The following NRG1 variants were observed in gnomAD, a reference collection of about 807,000 sequenced individuals.
The protein encoded by NRG1 is neuregulin 1, also known as pro-neuregulin-1, membrane-bound isoform.
In NRG1, 18 loss-of-function variants were observed where a neutral mutation model predicts 63.8. The ratio of observed to expected loss-of-function variants is 0.28; its 90% CI spans 0.19 to 0.42. The LOEUF (loss-of-function observed/expected upper bound fraction) is 0.42, where lower values mean the gene tolerates loss of function less well. NRG1 is among the 10% of genes least tolerant of loss of function. The pLI, the probability that NRG1 is intolerant of heterozygous loss-of-function variation, is 1.00. For missense variants in NRG1, 762 were observed against 814.7 expected, an observed-to-expected ratio of 0.94 and a Z score of 0.79; for synonymous variants, 302 against 301.3, an observed-to-expected ratio of 1.00 and a Z score of -0.02.
chr8:32,141,528 G>A (rs1472603985), intron 1 of NRG1, among the ~76,000 whole-genome samples: 2 of 146,218 alleles, frequency 1.4e-5, no homozygotes, highest in African/African-American at 2.5e-5. Flanking sequence ...TTAAGTGTGT[G>A]TGTGTGTGTG....
At chr8:32,436,197 C>A (rs1228590360) in intron 1 of NRG1, among the ~76,000 whole-genome samples, 1 of 152,184 alleles carries the variant, frequency 6.6e-6, no homozygotes, top group East Asian at 1.9e-4. Flanking sequence ...GAGAGCAAAG[C>A]AAAAGGGAAA....
chr8:31,655,478 T>C (rs1483012746), intron 1 of NRG1, among the ~76,000 whole-genome samples: 1 of 152,074 alleles, frequency 6.6e-6, no homozygotes, highest in Non-Finnish European at 1.5e-5. Flanking sequence ...AAGATTTGCA[T>C]TTCCAACCTT....
chr8:32,291,417 GT>G lies in NRG1; in HGVS notation c.38-304408del, dbSNP rs199627321. Among the ~76,000 whole-genome samples the G allele has an allele frequency of 5.3e-3, 797 of 151,502 alleles. 9 individuals carry two copies. The highest frequency in any genetic ancestry group is 0.018 in the African/African-American group (761 of 41,296). On this transcript the variant is annotated intron_variant, in intron 1 of 10. Coordinates refer to the NRG1 transcript ENST00000519301. ...TAGATAAGTCTTTCTAATCTTGAGT[GT>G]TTGTAAAGCAGTTGGATATAAATTT...
At chr8:32,349,295 T>C (rs1805294678) in intron 1 of NRG1, among the ~76,000 whole-genome samples, 1 of 152,218 alleles carries the variant, frequency 6.6e-6, no homozygotes, top group Non-Finnish European at 1.5e-5. Flanking sequence ...TATGAAAATT[T>C]CAAATCTTCC....
intron 1 of NRG1, among the ~76,000 whole-genome samples, chr8:32,118,487 T>C (rs1833031082): frequency 6.6e-6 from 1 of 152,032 alleles, no homozygotes; most frequent in African/African-American, 2.4e-5. Context: ...TCTTACACAT[T>C]GTGTAGAACC....
chr8:32,248,471 A>G (rs530446681), intron 1 of NRG1, among the ~76,000 whole-genome samples: 4 of 152,204 alleles, frequency 2.6e-5, no homozygotes, highest in Non-Finnish European at 5.9e-5. Flanking sequence ...AAAAGGCAAA[A>G]AAGTATATAA....
At chr8:31,713,267 C>T (rs146917607) in intron 1 of NRG1, among the ~76,000 whole-genome samples, 2 of 151,994 alleles carry the variant, frequency 1.3e-5, no homozygotes, top group East Asian at 1.9e-4. Context: ...CAGGCGCCCA[C>T]CACCAAGCCC....
intron 5 of NRG1, among the ~76,000 whole-genome samples, chr8:32,714,609 C>T (rs1818696632): frequency 6.6e-6 from 1 of 152,202 alleles, no homozygotes; most frequent in African/African-American, 2.4e-5. Context: ...TATAATTAAG[C>T]ACAAAGTAAC....
At chr8:32,068,424 A>C (rs1825225602) in intron 1 of NRG1, among the ~76,000 whole-genome samples, 1 of 152,226 alleles carries the variant, frequency 6.6e-6, no homozygotes, top group South Asian at 2.1e-4. Context: ...ACTTTAGCAC[A>C]GGATGAGATG....
intron 1 of NRG1, among the ~76,000 whole-genome samples, chr8:31,862,310 C>G (rs1189619479): frequency 6.6e-6 from 1 of 151,922 alleles, no homozygotes; most frequent in Non-Finnish European, 1.5e-5. Context: ...CTTAAATCTC[C>G]CATGATTTAT....
At chr8:32,276,304 T>C (rs1852090157) in intron 1 of NRG1, among the ~76,000 whole-genome samples, 1 of 152,200 alleles carries the variant, frequency 6.6e-6, no homozygotes, top group Non-Finnish European at 1.5e-5. Context: ...GTATTTGTCT[T>C]TCTCTGGCTG....
Position 31,662,938 on chromosome 8 carries a change from C to A in NRG1, c.37+23507C>A, listed in dbSNP as rs577577598. On this transcript the variant is annotated intron_variant, in intron 1 of 10. Coordinates refer to the NRG1 transcript ENST00000519301. Reference sequence around the variant, plus strand: ...TAGTCCTATGATTGACCCAGACTGTCATTTTTTGGGGCCCTTCTCTCCATG... The same window carrying A: ...TAGTCCTATGATTGACCCAGACTGTAATTTTTTGGGGCCCTTCTCTCCATG... Among the ~76,000 whole-genome samples, 4 of 152,332 alleles carry A rather than the reference C, an allele frequency of 2.6e-5. No individual in the cohort carries two copies. The South Asian group carries it at 8.3e-4, about 32-fold the overall frequency.
At chr8:31,720,884 G>T (rs1383180873) in intron 1 of NRG1, among the ~76,000 whole-genome samples, 1 of 152,146 alleles carries the variant, frequency 6.6e-6, no homozygotes, top group Non-Finnish European at 1.5e-5. Flanking sequence ...AGGAGTAAAG[G>T]AATGCTTCAT....
chr8:32,404,143 T>C (rs1813614960), intron 1 of NRG1, among the ~76,000 whole-genome samples: 2 of 152,172 alleles, frequency 1.3e-5, no homozygotes, highest in African/African-American at 4.8e-5. Flanking sequence ...GAGAAGACCC[T>C]GGAGAAATGT....
chr8:32,674,500 G>A (rs1806538045), intron 5 of NRG1, among the ~76,000 whole-genome samples: 1 of 151,992 alleles, frequency 6.6e-6, no homozygotes, highest in Admixed American at 6.6e-5. Flanking sequence ...CACTAAATTC[G>A]TATATGACAA....
At chr8:32,562,116 C>T (rs1339139102) in intron 1 of NRG1, among the ~76,000 whole-genome samples, 1 of 152,036 alleles carries the variant, frequency 6.6e-6, no homozygotes, top group Non-Finnish European at 1.5e-5. Flanking sequence ...GGTAGAGACT[C>T]CTAAAGTCTG....
chr8:31,733,748 T>C (rs1790600802), intron 1 of NRG1, among the ~76,000 whole-genome samples: 1 of 152,148 alleles, frequency 6.6e-6, no homozygotes, highest in South Asian at 2.1e-4. Flanking sequence ...GTCCCTGATT[T>C]GTATGGGTTC....
chr8:32,605,780 T>A, intron 3 of NRG1, 97 bp downstream of exon 3: 1 of 1,352,900 alleles, frequency 7.4e-7, no homozygotes, highest in Non-Finnish European at 1.0e-6. Flanking sequence ...TAAATCTCAT[T>A]GTGAACAAAT....
At chr8:31,641,645 A>G (rs1803795308) in intron 1 of NRG1, 1 of 152,188 alleles carries the variant, frequency 6.6e-6, no homozygotes, top group African/African-American at 2.4e-5. Context: ...TGATCTAAAT[A>G]TCTGTATAAT....
Sources: gnomAD v4.1 joint callset for allele counts (sites outside exome capture counted in the v4.1 genomes callset) on GRCh38, gnomAD v4.1.1 for gene constraint, MANE v1.5 for transcripts, NCBI Gene and HGNC (gene_info 2026-07-23, HGNC 2026-07-21) for gene names.